The following PDCD7 variants were observed in gnomAD, a reference collection of about 807,000 sequenced individuals.
The protein encoded by PDCD7 is programmed cell death 7.
PDCD7 carries 40 observed loss-of-function variants against 42.1 expected under a neutral mutation model. The observed-to-expected ratio is 0.95, with a 90% CI of 0.74 to 1.24. PDCD7 has a LOEUF of 1.24. Among genes scored for constraint, PDCD7 ranks in the 50% most tolerant of loss-of-function variants. The pLI is 0.00. For synonymous variants in PDCD7, 299 were observed against 303.3 expected (o/e 0.99, Z 0.15); for missense variants, 644 against 662.8 (o/e 0.97, Z 0.31).
chr15:65,133,379 C>G lies in PDCD7; in HGVS notation c.403G>C (p.Asp135His). ...TCGCGCAGGCGTTGGAGGGCCGCAT[C>G]CCCGAGCACGTCGGCCGGCGGCGGC... ...APPPPADVLG[D>H]AALQRLRDRQ... The change falls in exon 1 of 5, where the codon GAT becomes CAT. Residue 135 changes from aspartate (D) to histidine (H), a missense_variant. By Grantham distance (81) the Asp-to-His change is moderately conservative (BLOSUM62 -1). Coordinates refer to ENST00000204549, the MANE Select transcript of PDCD7 (RefSeq NM_005707.2). The G allele has an allele frequency of 8.3e-7, 1 of 1,207,080 alleles. No individual in the cohort carries two copies. The highest frequency in any genetic ancestry group is 1.0e-6 in the Non-Finnish European group (1 of 972,766). 74.8% of individuals were successfully genotyped at this position (1,207,080 alleles called of 1,614,324 possible). A position where few individuals can be genotyped will look rare whatever the true frequency, so the allele number is the denominator to read the frequency against.
At chr15:65,130,151 C>T (rs560062041) in intron 1 of PDCD7, among the ~76,000 whole-genome samples, 1 of 148,018 alleles carries the variant, frequency 6.8e-6, no homozygotes, top group East Asian at 2.0e-4. Context: ...CGCCCCCAAC[C>T]CTCTTTTTTT....
At chr15:65,121,046 TTTC>T (rs1156482603) in intron 2 of PDCD7, among the ~76,000 whole-genome samples, 2 of 150,938 alleles carry the variant, frequency 1.3e-5, no homozygotes, top group Non-Finnish European at 3.0e-5. Context: ...AACCTCTGAC[TTTC>T]TTTCTTTTTT....
chr15:65,129,151 G>T lies in PDCD7; in HGVS notation c.890C>A (p.Ala297Asp). The change falls in exon 2 of 5, where the codon GCC becomes GAC. Residue 297 changes from alanine to aspartate, a missense_variant. Transcript: ENST00000204549. ...CACTTCAGATAGTACGCCATCAGCGGCTGCTTTGAGTTCCTGCTCCTGGAA... is the reference window on the plus strand; with the variant it reads ...CACTTCAGATAGTACGCCATCAGCGTCTGCTTTGAGTTCCTGCTCCTGGAA... ...EKKREQELKA[A>D]ADGVLSEVRK... The T allele has an allele frequency of 6.2e-7, 1 of 1,613,858 alleles. No homozygotes were observed. Among genetic ancestry groups the T allele is most frequent in the Non-Finnish European group, 8.5e-7 (1 of 1,179,854 alleles).
At position 65,118,056 on chromosome 15, in the gene PDCD7, C is replaced by A. The variant is rs1184073240; in HGVS notation, c.*661G>T. The A allele has an allele frequency of 6.6e-6, 1 of 152,116 alleles. No homozygotes were observed. The highest frequency in any genetic ancestry group is 1.5e-5 in the Non-Finnish European group (1 of 68,018). 9.4% of individuals were successfully genotyped at this position (152,116 alleles called of 1,614,324 possible). ...CCTTCTAACATGGAAAAAATACAGC[C>A]ATTGTCCATTAAAATACAATCCAAT... On this transcript the variant is annotated 3_prime_UTR_variant, in exon 5 of 5. Coordinates refer to ENST00000204549, the MANE Select transcript of PDCD7 (RefSeq NM_005707.2).
chr15:65,130,524 T>C (rs570935979), intron 1 of PDCD7, among the ~76,000 whole-genome samples: 14 of 152,116 alleles, frequency 9.2e-5, no homozygotes, highest in Non-Finnish European at 1.9e-4. Context: ...GTGGAGAGAA[T>C]CCTCTTGCCT....
rs1475202005 is a variant in PDCD7 at position 65,126,770 on chromosome 15, C to CA, written c.1009+2261dup. Among the ~76,000 whole-genome samples the CA allele has an allele frequency of 7.8e-3, 1,033 of 131,818 alleles. 8 individuals carry two copies. The highest frequency in any genetic ancestry group is 0.02 in the African/African-American group (707 of 35,808). The allele number at this position is 131,818 out of a possible 152,430, so 86.5% of individuals were successfully genotyped here. A position where few individuals can be genotyped will look rare whatever the true frequency, so the allele number is the denominator to read the frequency against. ...CCCTGTCTTTTAAAAAAAAAAAAAG[C>CA]AAAAAAAAAAAGCTATCTTCACTTA... On this transcript the variant is annotated intron_variant, in intron 2 of 4. Transcript: ENST00000204549.
At chr15:65,130,591 A>G (rs1269216282) in intron 1 of PDCD7, among the ~76,000 whole-genome samples, 2 of 152,200 alleles carry the variant, frequency 1.3e-5, no homozygotes, top group Admixed American at 1.3e-4. Context: ...CTACAGCTAC[A>G]GCCAACACCA....
chr15:65,122,927 A>G (rs962473804), intron 2 of PDCD7, among the ~76,000 whole-genome samples: 1 of 151,766 alleles, frequency 6.6e-6, no homozygotes, highest in African/African-American at 2.4e-5. Flanking sequence ...GCTTGAAACC[A>G]GAAAGCGGGG....
At chr15:65,132,647 TA>T (rs2087550498) in intron 1 of PDCD7, among the ~76,000 whole-genome samples, 1 of 152,196 alleles carries the variant, frequency 6.6e-6, no homozygotes, top group African/African-American at 2.4e-5. Flanking sequence ...TGGAGCAGGA[TA>T]GGGGAGACCT....
At chr15:65,120,091 C>T (rs761089865) in intron 2 of PDCD7, 137 bp from the exon 3 acceptor site, 4 of 870,704 alleles carry the variant, frequency 4.6e-6, no homozygotes, top group Non-Finnish European at 6.9e-6. Flanking sequence ...ACCCATCCTC[C>T]CACCTTGGCT....
intron 2 of PDCD7, 99 bp from the exon 3 acceptor site, chr15:65,120,053 T>C: frequency 7.9e-7 from 1 of 1,268,504 alleles, no homozygotes; most frequent in East Asian, 2.4e-5. Context: ...TGATCATAGC[T>C]CACTGCAACT....
At position 65,133,522 on chromosome 15, in the gene PDCD7, G is replaced by A. The variant is rs1331042507; in HGVS notation, c.260C>T (p.Pro87Leu). The change falls in exon 1 of 5, where the codon CCG becomes CTG. Residue 87 changes from proline (P) to leucine (L), a missense_variant. By Grantham distance (98) the Pro-to-Leu change is moderately conservative. Coordinates refer to ENST00000204549, the MANE Select transcript of PDCD7 (RefSeq NM_005707.2). ...ACACTGGGGCGGCGGAGGAGGCAGC[G>A]GCGGTGGTGGCACCGGGTAGAAGGC... ...AGAFYPVPPPPLPPPPPQCRP... is the reference protein window; with the variant it reads ...AGAFYPVPPPLLPPPPPQCRP... The A allele has an allele frequency of 5.7e-6, 7 of 1,227,856 alleles. No individual in the cohort carries two copies. The highest frequency in any genetic ancestry group is 7.1e-6 in the Non-Finnish European group (7 of 985,598). The allele number at this position is 1,227,856 out of a possible 1,614,324, so 76.1% of individuals were successfully genotyped here. A position where few individuals can be genotyped will look rare whatever the true frequency, so the allele number is the denominator to read the frequency against.
Position 65,133,785 on chromosome 15 carries a change from C to T in PDCD7, c.-4G>A, listed in dbSNP as rs780994272. 2 of 1,359,578 alleles carry T rather than the reference C, an allele frequency of 1.5e-6. No individual in the cohort carries two copies. Among genetic ancestry groups the T allele is most frequent in the Non-Finnish European group, 9.5e-7 (1 of 1,054,958 alleles). The allele number at this position is 1,359,578 out of a possible 1,614,324, so 84.2% of individuals were successfully genotyped here. ...CGAAGAATGGTGGCAGGGCCATGTTCACGACGGAGATGCTTTGAGAAGTGA... is the reference window on the plus strand; with the variant it reads ...CGAAGAATGGTGGCAGGGCCATGTTTACGACGGAGATGCTTTGAGAAGTGA... On this transcript the variant is annotated 5_prime_UTR_variant, in exon 1 of 5. Transcript: ENST00000204549.
rs372083277 is a variant in PDCD7, at chr15:65,118,737, T to C, written c.1438A>G (p.Thr480Ala). Residue 480 changes from threonine (T) to alanine (A), a missense_variant, in exon 5 of 5, where the codon ACT (threonine) becomes GCT (alanine). By Grantham distance (58) the Thr-to-Ala change is moderately conservative. Coordinates refer to ENST00000204549, the MANE Select transcript of PDCD7 (RefSeq NM_005707.2). ...PPLPSNDIWA[T>A]AVKLH ...CTTTACTAATGCAGCTTAACAGCAG[T>C]TGCCCAGATGTCGTTGCTGGGGAGC... The C allele has an allele frequency of 1.6e-5, 25 of 1,608,296 alleles. No homozygotes were observed. In the African/African-American group the frequency reaches 2.7e-4, roughly 17 times the overall value.
At chr15:65,132,741 ACAT>A (rs1221357604) in intron 1 of PDCD7, among the ~76,000 whole-genome samples, 168 bp downstream of exon 1, 2 of 152,176 alleles carry the variant, frequency 1.3e-5, no homozygotes, top group Non-Finnish European at 2.9e-5. Flanking sequence ...TGTGTACCAC[ACAT>A]CATTAACACA....
intron 2 of PDCD7, 111 bp from the exon 3 acceptor site, chr15:65,120,065 C>T (rs2087440903): frequency 7.7e-6 from 9 of 1,173,268 alleles, no homozygotes; most frequent in Non-Finnish European, 9.5e-6. Flanking sequence ...ACTGCAACTT[C>T]AAACTCCTGG....
chr15:65,118,900 A>G (rs1566971094), intron 4 of PDCD7, 60 bp from the exon 5 acceptor site: 1 of 1,282,780 alleles, frequency 7.8e-7, no homozygotes, highest in Non-Finnish European at 1.1e-6. Context: ...TAAGATGTTC[A>G]GCAACTACAT....
chr15:65,133,344 C>A lies in PDCD7; in HGVS notation c.438G>T (p.Trp146Cys). 1.6e-6 allele frequency: 2 copies of A among 1,254,234 alleles called. No individual in the cohort carries two copies. Among genetic ancestry groups the A allele is most frequent in the South Asian group, 6.1e-5 (2 of 32,840 alleles). The allele number at this position is 1,254,234 out of a possible 1,614,324, so 77.7% of individuals were successfully genotyped here. A position where few individuals can be genotyped will look rare whatever the true frequency, so the allele number is the denominator to read the frequency against. Residue 146 changes from tryptophan to cysteine, a missense_variant, in exon 1 of 5, where the codon TGG becomes TGT. Transcript: ENST00000204549. ...AALQRLRDRQ[W>C]LEAVFGTPRR... ...GCGGGGTCCCGAACACCGCCTCCAG[C>A]CACTGCCGGTCGCGCAGGCGTTGGA...
chr15:65,132,013 AG>A (rs958719255), intron 1 of PDCD7, among the ~76,000 whole-genome samples: 1 of 151,656 alleles, frequency 6.6e-6, no homozygotes, highest in African/African-American at 2.4e-5. Flanking sequence ...TAATGACCTT[AG>A]CACACCTCTC....
Sources: gnomAD v4.1 joint callset for allele counts (sites outside exome capture counted in the v4.1 genomes callset) on GRCh38, gnomAD v4.1.1 for gene constraint, MANE v1.5 for transcripts, NCBI Gene and HGNC (gene_info 2026-07-23, HGNC 2026-07-21) for gene names.